Variants in CADM2 observed in about 807,000 individuals in gnomAD.
The protein encoded by CADM2 is immunoglobulin superfamily member 4D.
CADM2 carries 12 observed loss-of-function variants against 49.8 expected under a neutral mutation model. The observed-to-expected ratio is 0.24, with a 90% CI of 0.15 to 0.39. The LOEUF is 0.39. Ranked by LOEUF, CADM2 falls within the 10% of genes least tolerant of loss-of-function variation. The pLI is 1.00. For missense variants in CADM2, 378 were observed against 492.3 expected, an observed-to-expected ratio of 0.77 and a Z score of 2.20; for synonymous variants, 214 against 175.4, an observed-to-expected ratio of 1.22 and a Z score of -1.74.
intron 5 of CADM2, among the ~76,000 whole-genome samples, chr3:85,900,509 A>T (rs749450246): frequency 6.6e-6 from 1 of 152,174 alleles, no homozygotes; most frequent in Non-Finnish European, 1.5e-5. Context: ...TTCGGTATGT[A>T]TATCATGAGA....
chr3:85,530,435 A>C (rs1322930729), intron 1 of CADM2, among the ~76,000 whole-genome samples: 2 of 37,950 alleles, frequency 5.3e-5, no homozygotes, highest in African/African-American at 8.7e-5. Context: ...GGTTCACGCC[A>C]TTCTCCTGCC....
intron 7 of CADM2, among the ~76,000 whole-genome samples, chr3:85,941,686 G>T (rs1396163828): frequency 6.6e-6 from 1 of 152,014 alleles, no homozygotes; most frequent in East Asian, 1.9e-4. Flanking sequence ...GTTTTAGTTT[G>T]ATGCGTGTGG....
intron 1 of CADM2, among the ~76,000 whole-genome samples, chr3:85,374,234 G>A (rs375170564): frequency 6.6e-6 from 1 of 152,128 alleles, no homozygotes; most frequent in Admixed American, 6.6e-5. Context: ...ATGATTTACT[G>A]CTTAGGAATT....
At chr3:85,022,655 A>T (rs1211461332) in intron 1 of CADM2, among the ~76,000 whole-genome samples, 1 of 152,132 alleles carries the variant, frequency 6.6e-6, no homozygotes, top group East Asian at 1.9e-4. Flanking sequence ...CCTGCCACAC[A>T]TCATTGACAT....
At chr3:85,527,526 G>T (rs1263910758) in intron 1 of CADM2, among the ~76,000 whole-genome samples, 1 of 150,598 alleles carries the variant, frequency 6.6e-6, no homozygotes, top group Non-Finnish European at 1.5e-5. Flanking sequence ...CTATATATGA[G>T]ATAAATTATC....
At chr3:84,983,201 A>G (rs1265521764) in intron 1 of CADM2, among the ~76,000 whole-genome samples, 1 of 152,122 alleles carries the variant, frequency 6.6e-6, no homozygotes, top group Non-Finnish European at 1.5e-5. Context: ...CTCTCACTAA[A>G]AGACCATTTA....
At chr3:85,614,951 C>A (rs2063762361) in intron 1 of CADM2, among the ~76,000 whole-genome samples, 1 of 151,956 alleles carries the variant, frequency 6.6e-6, no homozygotes, top group Admixed American at 6.6e-5. Flanking sequence ...TTCTAAAATT[C>A]ACTCAGAGCC....
chr3:85,875,645 A>G (rs1244243586), intron 3 of CADM2, among the ~76,000 whole-genome samples: 1 of 152,206 alleles, frequency 6.6e-6, no homozygotes, highest in Non-Finnish European at 1.5e-5. Flanking sequence ...AACTGAAAAA[A>G]ACATGGCTAG....
At chr3:85,339,824 A>G (rs1423309340) in intron 1 of CADM2, among the ~76,000 whole-genome samples, 1 of 151,492 alleles carries the variant, frequency 6.6e-6, no homozygotes, top group Admixed American at 6.6e-5. Context: ...CTGTATAACC[A>G]GTGATTCTTA....
intron 1 of CADM2, among the ~76,000 whole-genome samples, chr3:85,594,045 C>A (rs144570767): frequency 1.3e-3 from 191 of 151,838 alleles, no homozygotes; most frequent in Non-Finnish European, 2.0e-3. Context: ...TATTTCATAT[C>A]CTGGCTATTG....
chr3:85,493,253 A>G (rs947957976), intron 1 of CADM2, among the ~76,000 whole-genome samples: 1 of 152,124 alleles, frequency 6.6e-6, no homozygotes, highest in African/African-American at 2.4e-5. Flanking sequence ...GAGATTTCCA[A>G]CTAAAATTGA....
At chr3:84,987,079 A>G (rs2107162000) in intron 1 of CADM2, among the ~76,000 whole-genome samples, 1 of 152,062 alleles carries the variant, frequency 6.6e-6, no homozygotes, top group Non-Finnish European at 1.5e-5. Context: ...AAAACAAAAA[A>G]GAGTTTGGAC....
intron 1 of CADM2, among the ~76,000 whole-genome samples, chr3:85,423,235 C>G (rs929121652): frequency 1.3e-5 from 2 of 152,086 alleles, no homozygotes; most frequent in Non-Finnish European, 2.9e-5. Context: ...CACTCTACCA[C>G]TCTTCTGCTC....
chr3:85,866,482 T>A (rs1322949886), intron 3 of CADM2, among the ~76,000 whole-genome samples: 2 of 152,136 alleles, frequency 1.3e-5, no homozygotes, highest in Non-Finnish European at 2.9e-5. Context: ...GATTTGTGAA[T>A]TTTATGCCAT....
intron 1 of CADM2, among the ~76,000 whole-genome samples, chr3:85,142,191 A>G (rs928011998): frequency 3.9e-5 from 6 of 152,218 alleles, no homozygotes; most frequent in African/African-American, 1.4e-4. Flanking sequence ...TTTTGTCAGA[A>G]GAAGAATTTT....
At chr3:85,939,468 A>AACACACACACACACAC (rs373804679) in intron 7 of CADM2, among the ~76,000 whole-genome samples, 6,097 of 136,918 alleles carry the variant, frequency 0.045, 188 homozygotes, top group East Asian at 0.11. Flanking sequence ...AGTAAACGAA[A>AACACACACACACACAC]ACACACACAC....
At chr3:85,546,134 C>A (rs1037407558) in intron 1 of CADM2, among the ~76,000 whole-genome samples, 3 of 152,114 alleles carry the variant, frequency 2.0e-5, no homozygotes, top group Non-Finnish European at 4.4e-5. Flanking sequence ...ATGCTCAAGT[C>A]CCTGAATATA....
At chr3:85,754,626 C>T (rs1365489389) in intron 2 of CADM2, among the ~76,000 whole-genome samples, 1 of 152,128 alleles carries the variant, frequency 6.6e-6, no homozygotes, top group African/African-American at 2.4e-5. Flanking sequence ...CCAGTTTCAA[C>T]ATTTATTTAA....
rs150089902 is a variant in CADM2, at chr3:85,808,293, T to C, written c.238+6097T>C. Reference sequence around the variant, plus strand: ...TAGCTAAGGCAACATTCACTTGTTATAATCCTCTTCTCTTTCTTTTTACAT... The same window carrying C: ...TAGCTAAGGCAACATTCACTTGTTACAATCCTCTTCTCTTTCTTTTTACAT... On this transcript the variant is annotated intron_variant, in intron 3 of 9. Coordinates refer to ENST00000383699, the MANE Select transcript of CADM2 (RefSeq NM_001167675.2). 3.3e-5 allele frequency among the ~76,000 whole-genome samples: 5 copies of C among 152,332 alleles called. No individual in the cohort carries two copies. In the East Asian group the frequency reaches 9.7e-4, roughly 29 times the overall value.
Sources: allele counts gnomAD v4.1 joint callset (sites outside exome capture counted in the v4.1 genomes callset), GRCh38; gene constraint gnomAD v4.1.1; transcripts MANE v1.5; gene names NCBI Gene and HGNC (gene_info 2026-07-23, HGNC 2026-07-21).